Variants in LRIG1 observed in about 807,000 individuals in gnomAD.
The protein encoded by LRIG1 is leucine-rich repeats and immunoglobulin-like domains protein 1.
In LRIG1, 48 loss-of-function variants were observed where a neutral mutation model predicts 99.2. That is an observed-to-expected ratio of 0.48 (90% confidence interval 0.38 to 0.62). The LOEUF is 0.62. Among genes scored for constraint, LRIG1 ranks in the 20% least tolerant of loss-of-function variants. The pLI, the probability that LRIG1 is intolerant of heterozygous loss-of-function variation, is 0.00. For missense variants in LRIG1, 1,646 were observed against 1,434.4 expected (o/e 1.15, Z -2.38); for synonymous variants, 772 against 596.1 (o/e 1.29, Z -4.30).
chr3:66,385,372 T>C (rs1701322487), intron 13 of LRIG1, among the ~76,000 whole-genome samples: 1 of 152,218 alleles, frequency 6.6e-6, no homozygotes, highest in Non-Finnish European at 1.5e-5. Flanking sequence ...GTATTTGGAA[T>C]TTGGAAGCCA....
chr3:66,410,462 A>G lies in LRIG1; in HGVS notation c.792-190T>C, dbSNP rs545412666. Among the ~76,000 whole-genome samples, 85 of 152,350 alleles carry G rather than the reference A, an allele frequency of 5.6e-4. 1 individual carries two copies. Among genetic ancestry groups the G allele is most frequent in the African/African-American group, 2.0e-3 (82 of 41,594 alleles). On this transcript the variant is annotated intron_variant, in intron 6 of 18. Coordinates refer to ENST00000273261, the MANE Select transcript of LRIG1 (RefSeq NM_015541.3). ...GGGCTGGGAGAAGACAGGCAAATCA[A>G]AATGGATGACAGCACATGCCAAGGC... is the stretch of plus-strand genomic sequence containing the variant.
intron 1 of LRIG1, among the ~76,000 whole-genome samples, chr3:66,498,689 C>T (rs1195290831): frequency 6.6e-6 from 1 of 152,136 alleles, no homozygotes; most frequent in South Asian, 2.1e-4. Flanking sequence ...CTGCCTCCAC[C>T]CTACGACCAC....
At chr3:66,410,434 T>G (rs78673228) in intron 6 of LRIG1, among the ~76,000 whole-genome samples, 162 bp from the exon 7 acceptor site, 1 of 152,068 alleles carries the variant, frequency 6.6e-6, no homozygotes, top group Non-Finnish European at 1.5e-5. Context: ...TGCATGTGAG[T>G]AGGGGCTGGG....
intron 3 of LRIG1, among the ~76,000 whole-genome samples, chr3:66,450,763 G>A (rs1303320542): frequency 6.6e-6 from 1 of 152,252 alleles, no homozygotes; most frequent in African/African-American, 2.4e-5. Context: ...AAAGCCTGGA[G>A]TGGAAACAGG....
intron 1 of LRIG1, among the ~76,000 whole-genome samples, chr3:66,489,986 T>A (rs1326051789): frequency 6.6e-6 from 1 of 152,188 alleles, no homozygotes; most frequent in African/African-American, 2.4e-5. Context: ...TCACATAAAG[T>A]TTCTCCCAAG....
At chr3:66,409,454 G>A (rs1702395004) in intron 7 of LRIG1, among the ~76,000 whole-genome samples, 1 of 152,206 alleles carries the variant, frequency 6.6e-6, no homozygotes, top group African/African-American at 2.4e-5. Flanking sequence ...GGCAAGACAA[G>A]CTCAGTTCTC....
Position 66,446,937 on chromosome 3 carries a change from G to GT in LRIG1, c.365+4621dup, listed in dbSNP as rs759069600. ...GAAGTGACTGTTGAAGGAGTATGGG[G>GT]TTTTTTGGGGGGCGGGGTGGGTTGG... On this transcript the variant is annotated intron_variant, in intron 3 of 18. Transcript: ENST00000273261. Among the ~76,000 whole-genome samples the GT allele has an allele frequency of 1.2e-3, 120 of 102,740 alleles. 1 individual carries two copies. Among genetic ancestry groups the GT allele is most frequent in the Non-Finnish European group, 1.2e-3 (62 of 51,062 alleles). The allele number at this position is 102,740 out of a possible 152,430, so 67.4% of individuals were successfully genotyped here.
chr3:66,453,177 G>C (rs1703962497), intron 2 of LRIG1, among the ~76,000 whole-genome samples: 1 of 152,206 alleles, frequency 6.6e-6, no homozygotes, highest in Non-Finnish European at 1.5e-5. Flanking sequence ...GGTTTTATCA[G>C]AGCAAGAAAA....
intron 3 of LRIG1, 174 bp from the exon 4 acceptor site, chr3:66,417,440 G>A (rs1702649138): frequency 3.1e-6 from 2 of 649,824 alleles, no homozygotes; most frequent in African/African-American, 1.8e-5. Context: ...CCAGATGCTA[G>A]GAGAATATTG....
chr3:66,405,284 G>A lies in LRIG1; in HGVS notation c.1080-6C>T, dbSNP rs1358931053. 1 of 1,612,360 alleles carries A rather than the reference G, an allele frequency of 6.2e-7. No individual in the cohort carries two copies. The highest frequency in any genetic ancestry group is 8.5e-7 in the Non-Finnish European group (1 of 1,178,370). On this transcript the variant is annotated splice_polypyrimidine_tract_variant and splice_region_variant and intron_variant, in intron 8 of 18. Transcript: ENST00000273261. Reference sequence around the variant, plus strand: ...TCTCGTTATGGTCCAGATCCCTGGGGAGAGGACAGAAAGCAGCTCACCGAG... The same window carrying A: ...TCTCGTTATGGTCCAGATCCCTGGGAAGAGGACAGAAAGCAGCTCACCGAG...
intron 6 of LRIG1, among the ~76,000 whole-genome samples, chr3:66,410,638 G>C (rs1702435064): frequency 6.6e-6 from 1 of 152,138 alleles, no homozygotes; most frequent in African/African-American, 2.4e-5. Flanking sequence ...GGGAGTTCGA[G>C]ACCAGCAAGG....
At chr3:66,451,422 T>C in intron 3 of LRIG1, 137 bp downstream of exon 3, 1 of 678,134 alleles carries the variant, frequency 1.5e-6, no homozygotes, top group Non-Finnish European at 2.6e-6. Context: ...GTCATGATCA[T>C]GAGGGCCACA....
chr3:66,410,565 G>C lies in LRIG1; in HGVS notation c.792-293C>G, dbSNP rs1195845731. Among the ~76,000 whole-genome samples, 4 of 152,324 alleles carry C rather than the reference G, an allele frequency of 2.6e-5. No individual in the cohort carries two copies. In the East Asian group the frequency reaches 7.7e-4, roughly 29 times the overall value. On this transcript the variant is annotated intron_variant, in intron 6 of 18. Coordinates refer to ENST00000273261, the MANE Select transcript of LRIG1 (RefSeq NM_015541.3). ...GCTGAGTAAAAGTGAACCAGGGCTG[G>C]GTGTGGCGGCTTATGCCCATCCAGT...
intron 2 of LRIG1, among the ~76,000 whole-genome samples, chr3:66,456,954 G>A (rs2106823355): frequency 6.6e-6 from 1 of 152,340 alleles, no homozygotes; most frequent in Admixed American, 6.5e-5. Context: ...TCCCTGGTGG[G>A]CTTTCCTCAG....
rs911831650 is a variant in LRIG1 at position 66,379,895 on chromosome 3, C to A, written c.*368G>T. On this transcript the variant is annotated 3_prime_UTR_variant, in exon 19 of 19. Coordinates refer to ENST00000273261, the MANE Select transcript of LRIG1 (RefSeq NM_015541.3). ...AAATTCCAGCCATGCGTTAAGGCAC[C>A]AGAACTATTTCCCCACCCCCTCCAA... is the stretch of plus-strand genomic sequence containing the variant. 1 of 166,530 alleles carries A rather than the reference C, an allele frequency of 6.0e-6. No individual in the cohort carries two copies. Among genetic ancestry groups the A allele is most frequent in the Non-Finnish European group, 1.2e-5 (1 of 81,814 alleles). 10.3% of individuals were successfully genotyped at this position (166,530 alleles called of 1,614,324 possible).
At chr3:66,414,839 G>A (rs374549556) in intron 5 of LRIG1, 81 bp downstream of exon 5, 51 of 1,334,154 alleles carry the variant, frequency 3.8e-5, no homozygotes, top group Middle Eastern at 2.5e-4. Flanking sequence ...AAAGGGTGGC[G>A]TTTGGTACGA....
chr3:66,479,234 A>AAAAC (rs1700794312), intron 1 of LRIG1, among the ~76,000 whole-genome samples: 1 of 152,264 alleles, frequency 6.6e-6, no homozygotes, highest in African/African-American at 2.4e-5. Flanking sequence ...AAATGCAGAG[A>AAAAC]AAACGGTCAG....
intron 1 of LRIG1, among the ~76,000 whole-genome samples, chr3:66,478,539 CCT>C (rs1700776710): frequency 6.6e-6 from 1 of 152,128 alleles, no homozygotes; most frequent in Non-Finnish European, 1.5e-5. Flanking sequence ...GGGAGTCTGC[CCT>C]CACATTTAAG....
intron 12 of LRIG1, 40 bp from the exon 13 acceptor site, chr3:66,386,341 G>A: frequency 8.5e-6 from 13 of 1,531,946 alleles, no homozygotes; most frequent in Non-Finnish European, 1.2e-5. Flanking sequence ...CTGGGTTCTT[G>A]GTACACAGAG....
Sources: gnomAD v4.1 joint callset for allele counts (sites outside exome capture counted in the v4.1 genomes callset) on GRCh38, gnomAD v4.1.1 for gene constraint, MANE v1.5 for transcripts, NCBI Gene and HGNC (gene_info 2026-07-23, HGNC 2026-07-21) for gene names.